Variants in HNF4G observed in about 807,000 individuals in gnomAD.
HNF4G encodes hepatocyte nuclear factor 4 gamma, also known as hepatocyte nuclear factor 4-gamma.
In HNF4G, 21 loss-of-function variants were observed where a neutral mutation model predicts 50.9. The ratio of observed to expected loss-of-function variants is 0.41; its 90% CI spans 0.29 to 0.59. The LOEUF is 0.59. HNF4G is among the 20% of genes least tolerant of loss of function. HNF4G has a pLI of 0.26. For missense variants in HNF4G, 527 were observed against 559.4 expected (o/e 0.94, Z 0.58); for synonymous variants, 198 against 185.6 (o/e 1.07, Z -0.54).
intron 2 of HNF4G, among the ~76,000 whole-genome samples, chr8:75,509,612 T>A (rs538778932): frequency 6.6e-6 from 1 of 152,350 alleles, no homozygotes; most frequent in Non-Finnish European, 1.5e-5. Flanking sequence ...CACATAATGA[T>A]GTTCTGGACA....
intron 1 of HNF4G, among the ~76,000 whole-genome samples, chr8:75,410,272 T>C (rs1204860086): frequency 6.6e-6 from 1 of 152,154 alleles, no homozygotes; most frequent in Non-Finnish European, 1.5e-5. Flanking sequence ...GCCAAGAGCC[T>C]TTCTAAACAC....
intron 1 of HNF4G, among the ~76,000 whole-genome samples, chr8:75,433,427 A>AG (rs796236806): frequency 1.1e-3 from 168 of 151,804 alleles, no homozygotes; most frequent in African/African-American, 3.9e-3. Flanking sequence ...AAAAAAAAAA[A>AG]AAAGAAAGAA....
chr8:75,564,001 C>A lies in HNF4G; in HGVS notation c.1273C>A (p.Pro425Thr). Residue 425 changes from proline to threonine, a missense_variant, in exon 10 of 10, where the codon CCA becomes ACA. By Grantham distance (38) the Pro-to-Thr change is conservative. Around this residue, in one of 5 missense-constraint regions of HNF4G, gnomAD observed 308 missense variants for 301.5 expected, o/e 1.02. Coordinates refer to ENST00000396423, the MANE Select transcript of HNF4G (RefSeq NM_004133.5). ...AACTCCTGAAACCCCACTCCCTTCCCCACCACAAGGCTCTGGGCAAGAACA... is the reference window on the plus strand; with the variant it reads ...AACTCCTGAAACCCCACTCCCTTCCACACCACAAGGCTCTGGGCAAGAACA... ...ISTPETPLPS[P>T]PQGSGQEQYK... The A allele has an allele frequency of 6.2e-7, 1 of 1,613,614 alleles. No individual in the cohort carries two copies. The highest frequency in any genetic ancestry group is 8.5e-7 in the Non-Finnish European group (1 of 1,179,664).
chr8:75,481,414 C>G (rs954705857), intron 1 of HNF4G, among the ~76,000 whole-genome samples: 2 of 152,196 alleles, frequency 1.3e-5, no homozygotes, highest in Non-Finnish European at 2.9e-5. Context: ...AGGTTCAACT[C>G]TGGCTATCCC....
At chr8:75,549,653 C>A (rs1160318628) in intron 3 of HNF4G, among the ~76,000 whole-genome samples, 1 of 150,434 alleles carries the variant, frequency 6.6e-6, no homozygotes, top group East Asian at 2.0e-4. Context: ...TACATGTGCA[C>A]AACATGCAGG....
At chr8:75,538,675 G>A (rs1333549750), upstream of HNF4G, among the ~76,000 whole-genome samples, 2 of 152,130 alleles carry the variant, frequency 1.3e-5, no homozygotes, top group Non-Finnish European at 2.9e-5. Flanking sequence ...AAAAAAGAAA[G>A]TTTATTCCAA....
rs371204703 is a variant in HNF4G at position 75,509,051 on chromosome 8, T to G, written c.-24+18843T>G. On this transcript the variant is annotated intron_variant, in intron 2 of 10. Coordinates refer to the HNF4G transcript ENST00000354370. ...ATTACAGAAATGTGTCCGAAGAGGG[T>G]GAGTTTAAGGTATCAAGGAGGATGA... is the stretch of plus-strand genomic sequence containing the variant. Among the ~76,000 whole-genome samples the G allele has an allele frequency of 1.8e-4, 27 of 151,692 alleles. No homozygotes were observed. In the East Asian group the frequency reaches 2.7e-3, roughly 15 times the overall value.
intron 2 of HNF4G, among the ~76,000 whole-genome samples, chr8:75,507,926 A>C (rs985996379): frequency 6.6e-6 from 1 of 152,186 alleles, no homozygotes; most frequent in Non-Finnish European, 1.5e-5. Flanking sequence ...GGAGAATTTA[A>C]GAGTTTTTAA....
intron 1 of HNF4G, among the ~76,000 whole-genome samples, chr8:75,461,893 AATATATAAATATAAAT>A (rs1404639055): frequency 1.6e-5 from 2 of 124,386 alleles, no homozygotes; most frequent in Non-Finnish European, 3.2e-5. Context: ...TAAATATATA[AATATATAAATATAAAT>A]ATATATATAT....
upstream of HNF4G, among the ~76,000 whole-genome samples, chr8:75,537,102 A>G (rs960837884): frequency 7.9e-5 from 12 of 152,218 alleles, no homozygotes; most frequent in African/African-American, 2.6e-4. Flanking sequence ...CATCTTACCA[A>G]TTTTATGCAC....
Position 75,563,999 on chromosome 8 carries a change from C to T in HNF4G, c.1271C>T (p.Ser424Phe), listed in dbSNP as rs768970617. 2 of 1,613,648 alleles carry T rather than the reference C, an allele frequency of 1.2e-6. No individual in the cohort carries two copies. The highest frequency in any genetic ancestry group is 2.2e-5 in the South Asian group (2 of 91,056). Residue 424 changes from serine (S) to phenylalanine (F), a missense_variant, in exon 10 of 10, where the codon TCC becomes TTC. Ser to Phe is a radical substitution (Grantham distance 155). Coordinates refer to ENST00000396423, the MANE Select transcript of HNF4G (RefSeq NM_004133.5). ...GCAACTCCTGAAACCCCACTCCCTTCCCCACCACAAGGCTCTGGGCAAGAA... is the reference window on the plus strand; with the variant it reads ...GCAACTCCTGAAACCCCACTCCCTTTCCCACCACAAGGCTCTGGGCAAGAA... ...QISTPETPLPSPPQGSGQEQY... is the reference protein window; with the variant it reads ...QISTPETPLPFPPQGSGQEQY...
chr8:75,515,964 A>G (rs1237384645), intron 2 of HNF4G, among the ~76,000 whole-genome samples: 3 of 152,060 alleles, frequency 2.0e-5, no homozygotes, highest in Non-Finnish European at 4.4e-5. Context: ...AGGGTTTCTC[A>G]TCTTGGTCAG....
intron 5 of HNF4G, among the ~76,000 whole-genome samples, chr8:75,555,374 A>G (rs1012070385): frequency 7.9e-5 from 12 of 152,156 alleles, no homozygotes; most frequent in Non-Finnish European, 1.5e-5. Flanking sequence ...GGTGATGCCC[A>G]GCAGGTAATT....
At chr8:75,407,673 C>A (rs1360618194), upstream of HNF4G, among the ~76,000 whole-genome samples, 3 of 152,216 alleles carry the variant, frequency 2.0e-5, no homozygotes, top group African/African-American at 7.2e-5. Flanking sequence ...TGCCCTGTCG[C>A]CATTGAGCAA....
chr8:75,495,883 C>T (rs940919395), intron 2 of HNF4G, among the ~76,000 whole-genome samples: 7 of 151,940 alleles, frequency 4.6e-5, no homozygotes, highest in Admixed American at 2.0e-4. Context: ...TACAATATAG[C>T]CCTTACCTTA....
chr8:75,534,064 C>T (rs1806398390), intron 2 of HNF4G, among the ~76,000 whole-genome samples: 1 of 151,858 alleles, frequency 6.6e-6, no homozygotes, highest in East Asian at 1.9e-4. Context: ...AACAGATTTG[C>T]AATAGGTACT....
Position 75,430,487 on chromosome 8 carries a change from AGAGAGAGAGAGAGAGG to A in HNF4G, c.-144+22341_-144+22356del, listed in dbSNP as rs777794013. On this transcript the variant is annotated intron_variant, in intron 1 of 10. Coordinates refer to the HNF4G transcript ENST00000354370. ...GGGGGTAGGGAGTAGAGAGAGAGAGAGAGAGAGAGAGAGAGGGAGAGAGAGAGAGAGAGAGCAAGAG... is the reference window on the plus strand; with the variant it reads ...GGGGGTAGGGAGTAGAGAGAGAGAGAGAGAGAGAGAGAGAGAGAGCAAGAG... Among the ~76,000 whole-genome samples the A allele has an allele frequency of 8.6e-3, 1,301 of 150,740 alleles. 22 individuals carry two copies. Among genetic ancestry groups the A allele is most frequent in the East Asian group, 0.032 (165 of 5,124 alleles).
chr8:75,544,608 A>G (rs1396550346), intron 2 of HNF4G, among the ~76,000 whole-genome samples: 3 of 149,582 alleles, frequency 2.0e-5, no homozygotes, highest in Non-Finnish European at 4.4e-5. Context: ...TTATTTAACT[A>G]TATTATATTT....
At chr8:75,425,680 G>A (rs1810876613) in intron 1 of HNF4G, among the ~76,000 whole-genome samples, 1 of 150,514 alleles carries the variant, frequency 6.6e-6, no homozygotes, top group Admixed American at 6.6e-5. Context: ...AGTATCACTG[G>A]GCTCCTAACC....
Sources: gnomAD v4.1 joint callset for allele counts (sites outside exome capture counted in the v4.1 genomes callset) on GRCh38, gnomAD v4.1.1 for gene constraint, gnomAD v4.1.1 regional missense constraint, MANE v1.5 for transcripts, NCBI Gene and HGNC (gene_info 2026-07-23, HGNC 2026-07-21) for gene names.